PGM1: variants seen among roughly 807,000 people sequenced by gnomAD.
PGM1 encodes the protein phosphoglucomutase-1.
PGM1 carries 52 observed loss-of-function variants against 55.6 expected under a neutral mutation model. The observed-to-expected ratio is 0.94, with a 90% confidence interval of 0.75 to 1.18. PGM1 has a LOEUF of 1.18. Ranked by LOEUF, PGM1 falls within the 50% of genes most tolerant of loss-of-function variation. The pLI is 0.00. For synonymous variants in PGM1, 287 were observed against 271.7 expected (o/e 1.06, Z -0.55); for missense variants, 724 against 729.3 (o/e 0.99, Z 0.08).
chr1:63,633,947 T>TTTTATTTTA (rs1557433855), intron 4 of PGM1, among the ~76,000 whole-genome samples: 1 of 119,762 alleles, frequency 8.3e-6, no homozygotes, highest in Non-Finnish European at 1.7e-5. Context: ...TTTTTTTTTT[T>TTTTATTTTA]TTTTTTTTTT....
intron 8 of PGM1, among the ~76,000 whole-genome samples, chr1:63,650,299 A>C (rs746030483): frequency 1.4e-4 from 22 of 152,198 alleles, no homozygotes; most frequent in Non-Finnish European, 2.2e-4. Context: ...CACAATTAAT[A>C]GCCAATAGAG....
At chr1:63,651,322 A>T (rs1649800826) in intron 8 of PGM1, 1 of 284,076 alleles carries the variant, frequency 3.5e-6, no homozygotes, top group African/African-American at 2.2e-5. Context: ...CAGAGATAAC[A>T]TTGCTTTTCA....
intron 7 of PGM1, among the ~76,000 whole-genome samples, chr1:63,639,349 T>C (rs1649453837): frequency 6.6e-6 from 1 of 152,124 alleles, no homozygotes; most frequent in South Asian, 2.1e-4. Flanking sequence ...AGGATGTTTG[T>C]GTAATTGTAT....
At chr1:63,653,145 T>C (rs915423232) in intron 9 of PGM1, among the ~76,000 whole-genome samples, 22 of 152,318 alleles carry the variant, frequency 1.4e-4, no homozygotes, top group Middle Eastern at 6.8e-3. Flanking sequence ...AGCTGCCCTC[T>C]GTGCTGTAAA....
rs538679699 is a variant in PGM1, at chr1:63,593,415, C to A, written c.-74C>A. The A allele has an allele frequency of 8.9e-5, 142 of 1,602,276 alleles. No individual in the cohort carries two copies. In the African/African-American group the frequency reaches 1.8e-3, roughly 20 times the overall value. On this transcript the variant is annotated 5_prime_UTR_variant, in exon 1 of 11. Transcript: ENST00000371084. ...CACCCGCCGTGCCCTCACCCCAGAG[C>A]AGCTGCAGCCTCAGCCGGCCGCCCC...
intron 1 of PGM1, among the ~76,000 whole-genome samples, chr1:63,600,810 G>A (rs1330359092): frequency 6.6e-6 from 1 of 152,090 alleles, no homozygotes; most frequent in Non-Finnish European, 1.5e-5. Context: ...AATAAATGTA[G>A]CATACATTTT....
At chr1:63,650,790 CT>C (rs1471712230) in intron 8 of PGM1, among the ~76,000 whole-genome samples, 1 of 152,154 alleles carries the variant, frequency 6.6e-6, no homozygotes, top group Non-Finnish European at 1.5e-5. Context: ...TTGTGATGCA[CT>C]TTTTTCCTTG....
intron 1 of PGM1, among the ~76,000 whole-genome samples, chr1:63,608,279 C>T (rs1648477930): frequency 6.6e-6 from 1 of 152,204 alleles, no homozygotes; most frequent in South Asian, 2.1e-4. Flanking sequence ...CCGCAGTGGC[C>T]TGGGGATACA....
intron 1 of PGM1, among the ~76,000 whole-genome samples, chr1:63,627,717 C>T (rs1649074043): frequency 6.6e-6 from 1 of 152,106 alleles, no homozygotes; most frequent in Non-Finnish European, 1.5e-5. Context: ...AGCTTAATAT[C>T]ACCAGCCTCT....
chr1:63,606,670 T>C (rs941944959), intron 1 of PGM1, among the ~76,000 whole-genome samples: 31 of 152,324 alleles, frequency 2.0e-4, no homozygotes, highest in Admixed American at 5.2e-4. Context: ...GAAATATCAG[T>C]CTTATTCTGG....
chr1:63,648,827 A>T (rs1453930764), intron 8 of PGM1, among the ~76,000 whole-genome samples, 175 bp downstream of exon 8: 4 of 152,248 alleles, frequency 2.6e-5, no homozygotes, highest in Non-Finnish European at 5.9e-5. Context: ...GTCAATTTTT[A>T]TGTCAGCCAT....
chr1:63,629,636 C>T (rs769159221), intron 2 of PGM1, 49 bp downstream of exon 2: 1 of 1,551,680 alleles, frequency 6.4e-7, no homozygotes. Context: ...TTCAGTAGGA[C>T]AAATCAATAC....
At chr1:63,603,914 T>C (rs1648310898) in intron 1 of PGM1, among the ~76,000 whole-genome samples, 1 of 152,238 alleles carries the variant, frequency 6.6e-6, no homozygotes, top group South Asian at 2.1e-4. Context: ...GGAAGTTCTA[T>C]ATACAACAGT....
intron 1 of PGM1, among the ~76,000 whole-genome samples, chr1:63,618,528 T>C (rs4915906): frequency 0.081 from 12,288 of 152,142 alleles, 660 homozygotes; most frequent in East Asian, 0.17. Context: ...TACCTAGTTT[T>C]CCCCCCCTTA....
chr1:63,655,517 A>G (rs1323169889), intron 10 of PGM1, among the ~76,000 whole-genome samples: 1 of 152,196 alleles, frequency 6.6e-6, no homozygotes, highest in African/African-American at 2.4e-5. Flanking sequence ...ATATCAGAGT[A>G]AGGAGGGACT....
intron 1 of PGM1, among the ~76,000 whole-genome samples, chr1:63,608,955 G>T (rs1006988635): frequency 6.6e-6 from 1 of 152,172 alleles, no homozygotes; most frequent in Non-Finnish European, 1.5e-5. Flanking sequence ...ATTGTAACTG[G>T]TTAGTAAAGA....
At chr1:63,654,635 T>C (rs1649911837) in intron 10 of PGM1, among the ~76,000 whole-genome samples, 169 bp downstream of exon 10, 1 of 151,978 alleles carries the variant, frequency 6.6e-6, no homozygotes, top group Admixed American at 6.6e-5. Context: ...ATAATAATTA[T>C]AATAATAAAA....
chr1:63,633,029 A>G (rs1158035599), intron 4 of PGM1, among the ~76,000 whole-genome samples: 1 of 152,216 alleles, frequency 6.6e-6, no homozygotes, highest in Non-Finnish European at 1.5e-5. Flanking sequence ...TCTCAAAAAA[A>G]CAAAAAATCC....
At chr1:63,596,632 C>T (rs1187299818) in intron 1 of PGM1, among the ~76,000 whole-genome samples, 1 of 152,128 alleles carries the variant, frequency 6.6e-6, no homozygotes, top group African/African-American at 2.4e-5. Context: ...TTTAAATATG[C>T]TACTCTTTCT....
Sources: gnomAD v4.1 joint callset for allele counts (sites outside exome capture counted in the v4.1 genomes callset) on GRCh38, gnomAD v4.1.1 for gene constraint, MANE v1.5 for transcripts, NCBI Gene and HGNC (gene_info 2026-07-23, HGNC 2026-07-21) for gene names.